The following SLC9B2 variants were observed in gnomAD, a reference collection of about 807,000 sequenced individuals.
The protein encoded by SLC9B2 is sodium/hydrogen exchanger 9B2.
A neutral mutation model predicts 52.2 loss-of-function variants in SLC9B2; 39 were observed. That is an observed-to-expected ratio of 0.75 (90% CI 0.58 to 0.98). The LOEUF is 0.98. Ranked by LOEUF, SLC9B2 falls within the 50% of genes least tolerant of loss-of-function variation. SLC9B2 has a pLI of 0.00. For synonymous variants in SLC9B2, 214 were observed against 227.0 expected (o/e 0.94, Z 0.51); for missense variants, 626 against 637.5 (o/e 0.98, Z 0.19).
chr4:103,046,764 A>AAGTCTCC (rs1744173905), intron 7 of SLC9B2, among the ~76,000 whole-genome samples: 1 of 118,218 alleles, frequency 8.5e-6, no homozygotes, highest in African/African-American at 3.5e-5. Context: ...GTGAAGCCTG[A>AAGTCTCC]ACGTTCCTGG....
intron 4 of SLC9B2, among the ~76,000 whole-genome samples, chr4:103,057,259 T>C (rs1205076402): frequency 6.9e-6 from 1 of 144,846 alleles, no homozygotes; most frequent in African/African-American, 2.6e-5. Context: ...TATATATATA[T>C]ATATATATAT....
At chr4:103,066,067 A>T (rs1326317852) in intron 3 of SLC9B2, among the ~76,000 whole-genome samples, 3 of 152,194 alleles carry the variant, frequency 2.0e-5, no homozygotes, top group Non-Finnish European at 4.4e-5. Flanking sequence ...AAGGTCCTTG[A>T]TCTGTGTTCC....
intron 1 of SLC9B2, among the ~76,000 whole-genome samples, chr4:103,068,723 T>G (rs1019264016): frequency 2.6e-5 from 4 of 152,182 alleles, no homozygotes; most frequent in Non-Finnish European, 4.4e-5. Flanking sequence ...AATGAGTATC[T>G]TGATAGAGGT....
At chr4:103,047,849 T>C (rs1744310543) in intron 6 of SLC9B2, among the ~76,000 whole-genome samples, 2 of 152,178 alleles carry the variant, frequency 1.3e-5, no homozygotes, top group South Asian at 4.1e-4. Context: ...AAAACATGTA[T>C]GTGTAAAACT....
At chr4:103,067,041 G>T (rs1050528331) in intron 2 of SLC9B2, among the ~76,000 whole-genome samples, 1 of 151,248 alleles carries the variant, frequency 6.6e-6, no homozygotes, top group Admixed American at 6.6e-5. Flanking sequence ...TCAGATAAGG[G>T]ATATTCAACC....
intron 9 of SLC9B2, among the ~76,000 whole-genome samples, chr4:103,041,702 GGTAA>G (rs902368501): frequency 2.0e-4 from 31 of 152,178 alleles, no homozygotes; most frequent in Middle Eastern, 3.4e-3. Flanking sequence ...AAATACACAT[GGTAA>G]GTGTTACTCA....
chr4:103,055,976 T>C (rs930016830), intron 4 of SLC9B2, among the ~76,000 whole-genome samples: 1 of 151,180 alleles, frequency 6.6e-6, no homozygotes, highest in Non-Finnish European at 1.5e-5. Flanking sequence ...ACTAATTTTT[T>C]TGTATTTTTA....
intron 4 of SLC9B2, among the ~76,000 whole-genome samples, chr4:103,056,220 A>G (rs1434592966): frequency 6.6e-6 from 1 of 151,862 alleles, no homozygotes; most frequent in Non-Finnish European, 1.5e-5. Context: ...ATTTTCAGCT[A>G]TGTCTTTAAG....
intron 3 of SLC9B2, among the ~76,000 whole-genome samples, chr4:103,063,461 T>G (rs1745842411): frequency 6.6e-6 from 1 of 152,218 alleles, no homozygotes; most frequent in African/African-American, 2.4e-5. Flanking sequence ...TTGAGTCTCA[T>G]TTTTCAGTAA....
At position 103,053,529 on chromosome 4, in the gene SLC9B2, G is replaced by A. The variant is rs138425791; in HGVS notation, c.443-3147C>T. Among the ~76,000 whole-genome samples the A allele has an allele frequency of 2.8e-4, 42 of 152,198 alleles. No individual in the cohort carries two copies. The East Asian group carries it at 7.7e-3, about 28-fold the overall frequency. On this transcript the variant is annotated intron_variant, in intron 4 of 11. Transcript: ENST00000394785. Reference sequence around the variant, plus strand: ...ATATTTTGTTTTTGCAATAGGCATGGAGTGAAAAAAAGACAAATGGGGTGT... The same window carrying A: ...ATATTTTGTTTTTGCAATAGGCATGAAGTGAAAAAAAGACAAATGGGGTGT...
chr4:103,044,822 GA>G, intron 8 of SLC9B2, 67 bp downstream of exon 8: 1 of 1,238,586 alleles, frequency 8.1e-7, no homozygotes, highest in South Asian at 1.2e-5. Flanking sequence ...GTCTTTGAAG[GA>G]AGTGTTCTAG....
chr4:103,039,457 C>T (rs561889665), intron 9 of SLC9B2, among the ~76,000 whole-genome samples: 1 of 152,104 alleles, frequency 6.6e-6, no homozygotes, highest in East Asian at 1.9e-4. Context: ...TGGCCCTAGG[C>T]TATCCTTTAG....
In SLC9B2 at chr4:103,043,305, G is replaced by A. The variant is rs115760926; in HGVS notation, c.1137C>T (p.Thr379=). The A allele has an allele frequency of 1.2e-6, 2 of 1,605,990 alleles. No homozygotes were observed. Among genetic ancestry groups the A allele is most frequent in the East Asian group, 4.5e-5 (2 of 44,792 alleles). Residue 379 remains threonine (T), a synonymous_variant, in exon 9 of 12, where the codon ACC becomes ACT. Transcript: ENST00000394785. ...TTAAAATGAAATTCACCTTTTCGCT[G>A]GTCCATCCCATGCCTGCAAGGAAAG... ...VMAFLAGMGW[T]SEKAEVEKII...
intron 4 of SLC9B2, among the ~76,000 whole-genome samples, chr4:103,052,413 A>C (rs895724974): frequency 4.6e-5 from 7 of 152,168 alleles, no homozygotes; most frequent in Non-Finnish European, 8.8e-5. Context: ...TATGGAGCTT[A>C]TATATTTGTA....
Position 103,026,317 on chromosome 4 carries a change from G to A in SLC9B2, c.*53C>T. ...CATTACATATTTCAATATGCATCTT[G>A]AAAAAAGTAGCAGCTTTCTAAACAT... On this transcript the variant is annotated 3_prime_UTR_variant, in exon 12 of 12. Coordinates refer to ENST00000394785, the MANE Select transcript of SLC9B2 (RefSeq NM_178833.7). 1 of 1,464,818 alleles carries A rather than the reference G, an allele frequency of 6.8e-7. No individual in the cohort carries two copies. The highest frequency in any genetic ancestry group is 1.8e-4 in the Middle Eastern group (1 of 5,434). 90.7% of individuals were successfully genotyped at this position (1,464,818 alleles called of 1,614,324 possible). A position where few individuals can be genotyped will look rare whatever the true frequency, so the allele number is the denominator to read the frequency against.
chr4:103,054,108 T>C (rs912357385), intron 4 of SLC9B2, among the ~76,000 whole-genome samples: 1 of 151,930 alleles, frequency 6.6e-6, no homozygotes, highest in Admixed American at 6.6e-5. Flanking sequence ...TGAGACCCTG[T>C]CTCTGCAAAA....
chr4:103,030,480 T>C (rs1278854966), intron 10 of SLC9B2, among the ~76,000 whole-genome samples: 1 of 151,882 alleles, frequency 6.6e-6, no homozygotes, highest in Non-Finnish European at 1.5e-5. Flanking sequence ...GCAGGTTGTG[T>C]GAGAGGTTGG....
intron 1 of SLC9B2, among the ~76,000 whole-genome samples, chr4:103,075,664 C>A (rs1181926023): frequency 1.3e-5 from 2 of 152,154 alleles, no homozygotes. Context: ...AATCCTCATG[C>A]AATCCTCTAG....
At chr4:103,052,065 T>A (rs891945508) in intron 4 of SLC9B2, among the ~76,000 whole-genome samples, 1 of 152,350 alleles carries the variant, frequency 6.6e-6, no homozygotes, top group East Asian at 1.9e-4. Context: ...CTGTATGAGA[T>A]CCTAGTAACA....
Sources: gnomAD v4.1 joint callset for allele counts (sites outside exome capture counted in the v4.1 genomes callset) on GRCh38, gnomAD v4.1.1 for gene constraint, MANE v1.5 for transcripts, NCBI Gene and HGNC (gene_info 2026-07-23, HGNC 2026-07-21) for gene names.